The following KIF16B variants were observed in gnomAD, a reference collection of about 807,000 sequenced individuals.
KIF16B encodes kinesin-like protein KIF16B.
A neutral mutation model predicts 156.3 loss-of-function variants in KIF16B; 98 were observed. The observed-to-expected ratio is 0.63, with a 90% CI of 0.53 to 0.74. The LOEUF (loss-of-function observed/expected upper bound fraction) is 0.74, where lower values mean the gene tolerates loss of function less well. Ranked by LOEUF, KIF16B falls within the 30% of genes least tolerant of loss-of-function variation. The probability of loss-of-function intolerance (pLI) is 0.00; values close to 1 mark genes in which losing one functional copy is unlikely to be tolerated. For missense variants in KIF16B, 1,421 were observed against 1,606.5 expected, an observed-to-expected ratio of 0.88 and a Z score of 1.97; for synonymous variants, 564 against 583.7, an observed-to-expected ratio of 0.97 and a Z score of 0.49.
chr20:16,343,495 G>A (rs375569134), intron 23 of KIF16B, among the ~76,000 whole-genome samples: 22 of 152,170 alleles, frequency 1.4e-4, no homozygotes, highest in Admixed American at 3.3e-4. Flanking sequence ...CAACATATGC[G>A]GGAGCTACCT....
chr20:16,327,336 A>G (rs2122860420), intron 24 of KIF16B, among the ~76,000 whole-genome samples: 1 of 152,166 alleles, frequency 6.6e-6, no homozygotes, highest in East Asian at 1.9e-4. Flanking sequence ...CACATTGGGT[A>G]CAGTTTACAC....
Position 16,429,946 on chromosome 20 carries a change from C to G in KIF16B, c.1339G>C (p.Val447Leu). 1 of 1,613,014 alleles carries G rather than the reference C, an allele frequency of 6.2e-7. No individual in the cohort carries two copies. Among genetic ancestry groups the G allele is most frequent in the Non-Finnish European group, 8.5e-7 (1 of 1,179,424 alleles). The stretch of plus-strand genomic sequence containing the variant: ...TGAGGCAGTTCAGAATCCAAAACAA[C>G]TCCAATCCCTTCTTTCCTGAGGGCT... ...TLALRKEGIGVVLDSELPHLI... is the reference protein window; with the variant it reads ...TLALRKEGIGLVLDSELPHLI... Residue 447 changes from valine to leucine, a missense_variant, in exon 13 of 26, where the codon GTT becomes CTT. Val to Leu is a conservative substitution (Grantham distance 32, BLOSUM62 1). Coordinates refer to ENST00000354981, the MANE Select transcript of KIF16B (RefSeq NM_024704.5).
chr20:16,299,329 C>T (rs1218820777), intron 25 of KIF16B, among the ~76,000 whole-genome samples: 1 of 152,034 alleles, frequency 6.6e-6, no homozygotes, highest in Non-Finnish European at 1.5e-5. Context: ...TTACATTATT[C>T]ATTCTGGTTT....
chr20:16,501,861 A>G (rs147993462), intron 10 of KIF16B, among the ~76,000 whole-genome samples: 1 of 152,330 alleles, frequency 6.6e-6, no homozygotes, highest in Non-Finnish European at 1.5e-5. Context: ...AAAGGGGAGT[A>G]GTTCCTGAAA....
chr20:16,454,685 C>T (rs1344796923), intron 12 of KIF16B, among the ~76,000 whole-genome samples: 1 of 152,128 alleles, frequency 6.6e-6, no homozygotes, highest in Non-Finnish European at 1.5e-5. Context: ...GATTTGTCAT[C>T]AGAGTCCTTT....
chr20:16,392,906 T>C (rs925911616), intron 17 of KIF16B, among the ~76,000 whole-genome samples: 3 of 152,162 alleles, frequency 2.0e-5, no homozygotes, highest in African/African-American at 4.8e-5. Flanking sequence ...CCAAGATTTA[T>C]ATAAAGATTA....
At chr20:16,446,477 A>G (rs1403977807) in intron 12 of KIF16B, among the ~76,000 whole-genome samples, 1 of 152,180 alleles carries the variant, frequency 6.6e-6, no homozygotes, top group Non-Finnish European at 1.5e-5. Flanking sequence ...TCTTGATTCC[A>G]TTAACTCTTG....
intron 12 of KIF16B, among the ~76,000 whole-genome samples, chr20:16,463,142 A>G (rs1239688426): frequency 6.6e-6 from 1 of 152,156 alleles, no homozygotes; most frequent in Admixed American, 6.5e-5. Context: ...CTGTGAACCT[A>G]AAAGACCTGC....
intron 17 of KIF16B, among the ~76,000 whole-genome samples, chr20:16,398,864 C>G (rs2065579822): frequency 6.6e-6 from 1 of 152,124 alleles, no homozygotes; most frequent in Non-Finnish European, 1.5e-5. Context: ...CATTGCTAGG[C>G]AGAAGCCAGC....
At chr20:16,319,626 A>G (rs529371939) in intron 24 of KIF16B, among the ~76,000 whole-genome samples, 1 of 152,324 alleles carries the variant, frequency 6.6e-6, no homozygotes, top group Admixed American at 6.5e-5. Context: ...TAGAAACACT[A>G]TGAACAGTAA....
At chr20:16,488,832 C>A (rs965320083) in intron 12 of KIF16B, among the ~76,000 whole-genome samples, 2 of 152,188 alleles carry the variant, frequency 1.3e-5, no homozygotes, top group African/African-American at 4.8e-5. Flanking sequence ...AGGCAGCATT[C>A]TAACAAAGAG....
intron 1 of KIF16B, among the ~76,000 whole-genome samples, chr20:16,558,077 A>G (rs1202691257): frequency 2.6e-5 from 4 of 152,230 alleles, no homozygotes; most frequent in Non-Finnish European, 5.9e-5. Flanking sequence ...AATAACTGAG[A>G]AAGCCCACAT....
chr20:16,531,514 G>A (rs980795176), intron 1 of KIF16B, among the ~76,000 whole-genome samples: 2 of 152,112 alleles, frequency 1.3e-5, no homozygotes, highest in Non-Finnish European at 2.9e-5. Flanking sequence ...AAGTACCAAC[G>A]CGACTGCCCC....
intron 1 of KIF16B, among the ~76,000 whole-genome samples, chr20:16,567,376 G>A (rs2071291079): frequency 6.6e-6 from 1 of 152,260 alleles, no homozygotes; most frequent in African/African-American, 2.4e-5. Context: ...CAGAAGCACT[G>A]GAGATCTCTT....
chr20:16,567,399 A>G (rs1434261090), intron 1 of KIF16B, among the ~76,000 whole-genome samples: 1 of 152,188 alleles, frequency 6.6e-6, no homozygotes, highest in East Asian at 1.9e-4. Flanking sequence ...TCTAGCCTCT[A>G]GAATCCCCTA....
At chr20:16,377,960 A>C (rs1264231326) in intron 19 of KIF16B, among the ~76,000 whole-genome samples, 1 of 152,218 alleles carries the variant, frequency 6.6e-6, no homozygotes, top group East Asian at 1.9e-4. Context: ...TCAGTAAATC[A>C]CCAAACATGT....
intron 17 of KIF16B, among the ~76,000 whole-genome samples, chr20:16,404,004 C>G (rs971578298): frequency 6.6e-6 from 1 of 152,130 alleles, no homozygotes. Context: ...TAAATATTTC[C>G]CCACATGTAA....
At chr20:16,550,713 T>C (rs953799047) in intron 1 of KIF16B, among the ~76,000 whole-genome samples, 18 of 151,790 alleles carry the variant, frequency 1.2e-4, no homozygotes, top group African/African-American at 3.4e-4. Context: ...TTTTCTATTT[T>C]TTGTAGAGAC....
chr20:16,372,816 G>A (rs1205971316), intron 20 of KIF16B, among the ~76,000 whole-genome samples: 1 of 152,152 alleles, frequency 6.6e-6, no homozygotes, highest in Non-Finnish European at 1.5e-5. Flanking sequence ...TCCTGCCTCA[G>A]CCTCCCAGGT....
Sources: gnomAD v4.1 joint callset for allele counts (sites outside exome capture counted in the v4.1 genomes callset) on GRCh38, gnomAD v4.1.1 for gene constraint, MANE v1.5 for transcripts, NCBI Gene and HGNC (gene_info 2026-07-23, HGNC 2026-07-21) for gene names.